Variants in GAS6 observed in about 807,000 individuals in gnomAD.
GAS6 encodes growth arrest specific 6, also known as growth arrest-specific protein 6.
GAS6 carries 41 observed loss-of-function variants against 75.8 expected under a neutral mutation model. That is an observed-to-expected ratio of 0.54 (90% CI 0.42 to 0.70). The LOEUF is 0.70. Ranked by LOEUF, GAS6 falls within the 30% of genes least tolerant of loss-of-function variation. The probability of loss-of-function intolerance (pLI) is 0.00; values close to 1 mark genes in which losing one functional copy is unlikely to be tolerated. For synonymous variants in GAS6, 432 were observed against 412.6 expected (o/e 1.05, Z -0.57); for missense variants, 854 against 940.2 (o/e 0.91, Z 1.20).
intron 12 of GAS6, among the ~76,000 whole-genome samples, chr13:113,824,027 T>C (rs532114141): frequency 6.9e-6 from 1 of 145,570 alleles, no homozygotes; most frequent in African/African-American, 2.7e-5. Context: ...GGAGCTGTCA[T>C]GAGCACGGTG....
intron 12 of GAS6, among the ~76,000 whole-genome samples, chr13:113,826,655 G>A (rs71437253): frequency 0.013 from 549 of 42,476 alleles, 158 homozygotes; most frequent in South Asian, 0.037. Context: ...GCCTCCTGGC[G>A]CCGGCCTCGC....
chr13:113,860,348 T>C (rs2051961357), intron 2 of GAS6, among the ~76,000 whole-genome samples: 1 of 152,164 alleles, frequency 6.6e-6, no homozygotes, highest in African/African-American at 2.4e-5. Flanking sequence ...AACCACAGCC[T>C]GGATGATTTT....
chr13:113,853,986 T>G (rs1291544087), intron 2 of GAS6, among the ~76,000 whole-genome samples: 4 of 152,206 alleles, frequency 2.6e-5, no homozygotes, highest in Non-Finnish European at 5.9e-5. Context: ...CAGGAGGCAG[T>G]GCATGGCCCC....
chr13:113,861,832 G>A (rs1200971038), intron 2 of GAS6, among the ~76,000 whole-genome samples: 1 of 152,172 alleles, frequency 6.6e-6, no homozygotes. Context: ...GTTATCATTT[G>A]GCATGGGGGC....
chr13:113,852,557 T>C (rs1378692081), intron 2 of GAS6, among the ~76,000 whole-genome samples: 2 of 152,180 alleles, frequency 1.3e-5, no homozygotes, highest in African/African-American at 4.8e-5. Context: ...AGATGCCACC[T>C]CCGGACCCTG....
chr13:113,834,556 A>G lies in GAS6; in HGVS notation c.829T>C (p.Cys277Arg). ...GLKLSQDMDT[C>R]EDILPCVPFS... Reference sequence around the variant, plus strand: ...CGGGGCCAGGGGCCGCCTACCTCACAGGTGTCCATGTCCTGGGACAGCTTG... The same window carrying G: ...CGGGGCCAGGGGCCGCCTACCTCACGGGTGTCCATGTCCTGGGACAGCTTG... Residue 277 changes from cysteine (C) to arginine (R), a missense_variant, in exon 8 of 15, where the codon TGT becomes CGT. Transcript: ENST00000327773. 1 of 1,585,858 alleles carries G rather than the reference A, an allele frequency of 6.3e-7. No homozygotes were observed. Among genetic ancestry groups the G allele is most frequent in the Non-Finnish European group, 8.6e-7 (1 of 1,168,150 alleles).
At chr13:113,854,637 C>T (rs531820298) in intron 2 of GAS6, among the ~76,000 whole-genome samples, 1 of 152,388 alleles carries the variant, frequency 6.6e-6, no homozygotes, top group South Asian at 2.1e-4. Context: ...TGAGCCAGCA[C>T]AGGCTCTCAT....
In GAS6 at chr13:113,832,729, G is replaced by A; in HGVS notation, c.858C>T (p.Phe286=). The A allele has an allele frequency of 6.2e-7, 1 of 1,612,724 alleles. No individual in the cohort carries two copies. The highest frequency in any genetic ancestry group is 1.1e-5 in the South Asian group (1 of 91,084). ...AGGACTTCACACTCTTGGCCACGCT[G>A]AAGGGCACGCACGGCAAGATGTCCT... ...TCEDILPCVP[F]SVAKSVKSLY... The change falls in exon 9 of 15, where the codon TTC becomes TTT. Residue 286 remains phenylalanine, a synonymous_variant. Coordinates refer to ENST00000327773, the MANE Select transcript of GAS6 (RefSeq NM_000820.4).
chr13:113,857,261 C>T lies in GAS6; in HGVS notation c.255+6314G>A, dbSNP rs538985620. On this transcript the variant is annotated intron_variant, in intron 2 of 14. Coordinates refer to ENST00000327773, the MANE Select transcript of GAS6 (RefSeq NM_000820.4). ...TTTTGAATATTATACTTTTAATCAA[C>T]ACCCGTCAGTCAGAGCAGAGAGTGC... 2.6e-5 allele frequency among the ~76,000 whole-genome samples: 4 copies of T among 152,330 alleles called. No homozygotes were observed. The East Asian group carries it at 7.7e-4, about 29-fold the overall frequency.
chr13:113,836,328 A>G (rs186154835), intron 6 of GAS6, among the ~76,000 whole-genome samples: 3 of 28 alleles, frequency 0.11, no homozygotes, highest in African/African-American at 0.25. Context: ...GGGGGAGAAG[A>G]GGAGGGGGAG....
chr13:113,856,990 C>T (rs532104916), intron 2 of GAS6, among the ~76,000 whole-genome samples: 14 of 152,348 alleles, frequency 9.2e-5, no homozygotes, highest in Non-Finnish European at 1.8e-4. Context: ...CCAGCCACTG[C>T]AGTGACCGGC....
At chr13:113,851,218 G>T (rs1027957030) in intron 2 of GAS6, among the ~76,000 whole-genome samples, 1 of 151,786 alleles carries the variant, frequency 6.6e-6, no homozygotes, top group Non-Finnish European at 1.5e-5. Flanking sequence ...TGGGTGAGTG[G>T]ATGGATGGAT....
intron 3 of GAS6, 129 bp from the exon 4 acceptor site, chr13:113,846,718 C>T: frequency 1.4e-6 from 1 of 734,360 alleles, no homozygotes; most frequent in Non-Finnish European, 2.4e-6. Flanking sequence ...CCTCCAGAAA[C>T]AATGCCGCTT....
At chr13:113,840,196 C>A in intron 4 of GAS6, 1 of 277,942 alleles carries the variant, frequency 3.6e-6, no homozygotes, top group Non-Finnish European at 6.8e-6. Context: ...ACAGAACCCC[C>A]AGCTGACCTG....
At chr13:113,835,758 G>T (rs1201896282) in intron 6 of GAS6, 123 bp from the exon 7 acceptor site, 43 of 1,485,508 alleles carry the variant, frequency 2.9e-5, no homozygotes, top group Non-Finnish European at 3.8e-5. Flanking sequence ...TGTGGGGCCA[G>T]CGCGCCCTGG....
intron 10 of GAS6, among the ~76,000 whole-genome samples, chr13:113,830,325 C>T (rs2138627758): frequency 6.6e-6 from 1 of 152,204 alleles, no homozygotes; most frequent in East Asian, 1.9e-4. Flanking sequence ...GCTGCGGCCG[C>T]TGTGAGTCAC....
At chr13:113,825,248 A>G (rs1475370689) in intron 12 of GAS6, among the ~76,000 whole-genome samples, 1 of 151,050 alleles carries the variant, frequency 6.6e-6, no homozygotes, top group African/African-American at 2.4e-5. Flanking sequence ...AAAAAAAAAA[A>G]AAAAAAAAAA....
chr13:113,838,164 C>G lies in GAS6; in HGVS notation c.494G>C (p.Gly165Ala). The G allele has an allele frequency of 1.2e-6, 2 of 1,612,916 alleles. No individual in the cohort carries two copies. Among genetic ancestry groups the G allele is most frequent in the Non-Finnish European group, 1.7e-6 (2 of 1,179,910 alleles). The change falls in exon 6 of 15, where the codon GGG (glycine) becomes GCG (alanine). Residue 165 changes from glycine (G) to alanine (A), a missense_variant. Coordinates refer to ENST00000327773, the MANE Select transcript of GAS6 (RefSeq NM_000820.4). ...KDVNECSQEN[G>A]GCLQICHNKP... ...GTTGTGGCAGATCTGGAGGCAGCCC[C>G]CGTTCTCCTGGCTGCATTCGTTGAC... is the stretch of plus-strand genomic sequence containing the variant.
chr13:113,827,399 G>T (rs1009854895), intron 11 of GAS6, among the ~76,000 whole-genome samples: 1 of 152,244 alleles, frequency 6.6e-6, no homozygotes, highest in Non-Finnish European at 1.5e-5. Flanking sequence ...TCATTTTAAA[G>T]CTAGGAAAGG....
Sources: gnomAD v4.1 joint callset for allele counts (sites outside exome capture counted in the v4.1 genomes callset) on GRCh38, gnomAD v4.1.1 for gene constraint, MANE v1.5 for transcripts, NCBI Gene and HGNC (gene_info 2026-07-23, HGNC 2026-07-21) for gene names.